Variants in TBC1D23 observed in about 807,000 individuals in gnomAD.
The protein encoded by TBC1D23 is HCV non-structural protein 4A-transactivated protein 1.
Under a neutral mutation model 91.4 loss-of-function variants are expected in TBC1D23, and 55 were observed. That is an observed-to-expected ratio of 0.60 (90% CI 0.48 to 0.75). The LOEUF (loss-of-function observed/expected upper bound fraction) is 0.75. Among genes scored for constraint, TBC1D23 ranks in the 30% least tolerant of loss-of-function variants. TBC1D23 has a pLI of 0.00. For missense variants in TBC1D23, 725 were observed against 836.1 expected (o/e 0.87, Z 1.64); for synonymous variants, 289 against 281.0 (o/e 1.03, Z -0.28).
intron 1 of TBC1D23, among the ~76,000 whole-genome samples, chr3:100,264,763 T>C (rs1229512276): frequency 6.6e-6 from 1 of 152,244 alleles, no homozygotes; most frequent in Non-Finnish European, 1.5e-5. Flanking sequence ...AGGATGGACC[T>C]TGAAGATCTT....
At chr3:100,316,255 G>A (rs1705742678) in intron 16 of TBC1D23, 68 bp downstream of exon 16, 1 of 1,088,896 alleles carries the variant, frequency 9.2e-7, no homozygotes, top group Non-Finnish European at 1.4e-6. Context: ...GTCATTCTGG[G>A]AATAGCCAAT....
chr3:100,315,275 G>A (rs537662793), intron 15 of TBC1D23, among the ~76,000 whole-genome samples: 66 of 143,656 alleles, frequency 4.6e-4, no homozygotes, highest in African/African-American at 1.6e-3. Context: ...TGGTTCTCCC[G>A]CCTCAGCCTC....
At chr3:100,300,041 T>A (rs1705395704) in intron 10 of TBC1D23, among the ~76,000 whole-genome samples, 1 of 152,136 alleles carries the variant, frequency 6.6e-6, no homozygotes, top group South Asian at 2.1e-4. Flanking sequence ...CATGAGTATT[T>A]ATGCATATAA....
chr3:100,315,470 T>G (rs1233751236), intron 15 of TBC1D23, among the ~76,000 whole-genome samples: 3 of 152,190 alleles, frequency 2.0e-5, no homozygotes, highest in Non-Finnish European at 4.4e-5. Flanking sequence ...CCGAGGCAGA[T>G]TCATTTTTAT....
At chr3:100,291,211 G>A (rs1285852794) in intron 5 of TBC1D23, among the ~76,000 whole-genome samples, 1 of 152,094 alleles carries the variant, frequency 6.6e-6, no homozygotes, top group Non-Finnish European at 1.5e-5. Flanking sequence ...TTAGGTCAGT[G>A]GTCCTTAAAC....
intron 13 of TBC1D23, among the ~76,000 whole-genome samples, chr3:100,307,946 T>G (rs1022771673): frequency 6.6e-6 from 1 of 152,226 alleles, no homozygotes; most frequent in African/African-American, 2.4e-5. Context: ...TGCATTATTA[T>G]CAAATGGCTC....
In TBC1D23 at chr3:100,301,009, T is replaced by C. The variant is rs541154373; in HGVS notation, c.1093-1058T>C. On this transcript the variant is annotated intron_variant, in intron 10 of 18. Transcript: ENST00000394144. ...TAATTTATTGCCTGATTGATGTATA[T>C]GTGGGTTATTTTTTGTTTTCTTGTA... Among the ~76,000 whole-genome samples, 4 of 152,298 alleles carry C rather than the reference T, an allele frequency of 2.6e-5. No individual in the cohort carries two copies. In the East Asian group the frequency reaches 7.7e-4, roughly 29 times the overall value.
At chr3:100,294,963 G>A in intron 5 of TBC1D23, 124 bp from the exon 6 acceptor site, 2 of 938,386 alleles carry the variant, frequency 2.1e-6, no homozygotes, top group Non-Finnish European at 3.1e-6. Flanking sequence ...TAAGATTAAG[G>A]TACGCATTAA....
intron 1 of TBC1D23, among the ~76,000 whole-genome samples, chr3:100,265,907 T>A (rs1395516449): frequency 6.6e-6 from 1 of 152,206 alleles, no homozygotes; most frequent in Non-Finnish European, 1.5e-5. Context: ...AATAGTACTA[T>A]CAGTGTTCCC....
In TBC1D23 at chr3:100,323,392, G is replaced by A. The variant is rs111600384; in HGVS notation, c.2019-195G>A. 5.2e-3 allele frequency among the ~76,000 whole-genome samples: 784 copies of A among 151,966 alleles called. 12 individuals carry two copies. The highest frequency in any genetic ancestry group is 0.017 in the African/African-American group (718 of 41,442). ...TGCCTTTGCATTTAGATTTTCTTTC[G>A]AAATAAGCTTTGGATTATGTTCAAA... On this transcript the variant is annotated intron_variant, in intron 18 of 18. Transcript: ENST00000394144.
At position 100,315,274 on chromosome 3, in the gene TBC1D23, C is replaced by T. The variant is rs1396606381; in HGVS notation, c.1599-825C>T. Among the ~76,000 whole-genome samples the T allele has an allele frequency of 3.3e-5, 5 of 151,136 alleles. No homozygotes were observed. In the South Asian group the frequency reaches 6.3e-4, roughly 19 times the overall value. ...GCCTCCCGGGTTCAAGTGGTTCTCC[C>T]GCCTCAGCCTCCAGAGTAGCTGGAA... On this transcript the variant is annotated intron_variant, in intron 15 of 18. Transcript: ENST00000394144.
chr3:100,302,903 A>T (rs1171679020), intron 11 of TBC1D23, among the ~76,000 whole-genome samples: 1 of 152,078 alleles, frequency 6.6e-6, no homozygotes, highest in Admixed American at 6.6e-5. Flanking sequence ...TGTTACATTG[A>T]TCTTTATGTG....
At chr3:100,296,753 G>C (rs138633055) in intron 8 of TBC1D23, among the ~76,000 whole-genome samples, 2 of 151,668 alleles carry the variant, frequency 1.3e-5, no homozygotes, top group African/African-American at 4.9e-5. Context: ...CCAGCTACTC[G>C]GGAGGCTGAG....
chr3:100,281,857 A>G lies in TBC1D23; in HGVS notation c.271+10A>G. 1 of 1,553,550 alleles carries G rather than the reference A, an allele frequency of 6.4e-7. No individual in the cohort carries two copies. The highest frequency in any genetic ancestry group is 2.3e-5 in the East Asian group (1 of 44,026). Reference sequence around the variant, plus strand: ...TGCCTGCAGTTTATTGGTAAGCTGAATAATCACTTTCAAGCAGAGTTAAAT... The same window carrying G: ...TGCCTGCAGTTTATTGGTAAGCTGAGTAATCACTTTCAAGCAGAGTTAAAT... On this transcript the variant is annotated intron_variant, in intron 3 of 18. Transcript: ENST00000394144.
chr3:100,297,931 C>A lies in TBC1D23; in HGVS notation c.885C>A (p.His295Gln). The A allele has an allele frequency of 1.2e-6, 2 of 1,606,850 alleles. No homozygotes were observed. Among genetic ancestry groups the A allele is most frequent in the Non-Finnish European group, 1.7e-6 (2 of 1,175,532 alleles). ...AATTTCCCTTCAAACAGGATAATCA[C>A]CATCTCTTTGGTAGTACTTTGTTGG... is the stretch of plus-strand genomic sequence containing the variant. ...KTPASFRKDN[H>Q]HLFGSTLLGI... is the part of the protein sequence containing the mutation. The change falls in exon 9 of 19, where the codon CAC becomes CAA. Residue 295 changes from histidine to glutamine, a missense_variant. By Grantham distance (24) the His-to-Gln change is conservative (BLOSUM62 0). Transcript: ENST00000394144.
chr3:100,288,432 G>T (rs34946005), intron 4 of TBC1D23, among the ~76,000 whole-genome samples: 2 of 152,070 alleles, frequency 1.3e-5, no homozygotes, highest in African/African-American at 4.8e-5. Flanking sequence ...TTAAGGTCCA[G>T]TTTCTGTATA....
chr3:100,290,647 T>G lies in TBC1D23; in HGVS notation c.546T>G (p.Leu182=). Residue 182 remains leucine, a synonymous_variant, in exon 5 of 19, where the codon CTT becomes CTG. Coordinates refer to ENST00000394144, the MANE Select transcript of TBC1D23 (RefSeq NM_001199198.3). ...TCATCCAATACCATGAGCCTGAGCT[T>G]TGTTCTTATCTTGATACAAAGAAAA... ...RLLIQYHEPE[L]CSYLDTKKIT... 1 of 1,613,570 alleles carries G rather than the reference T, an allele frequency of 6.2e-7. No individual in the cohort carries two copies. Among genetic ancestry groups the G allele is most frequent in the South Asian group, 1.1e-5 (1 of 91,054 alleles).
At chr3:100,309,124 A>AGATC (rs1705571226) in intron 13 of TBC1D23, among the ~76,000 whole-genome samples, 1 of 152,198 alleles carries the variant, frequency 6.6e-6, no homozygotes, top group South Asian at 2.1e-4. Context: ...CAGTGAGCCA[A>AGATC]GATCGCACCA....
At chr3:100,275,479 G>GT (rs2067641345) in intron 1 of TBC1D23, among the ~76,000 whole-genome samples, 1 of 152,034 alleles carries the variant, frequency 6.6e-6, no homozygotes, top group African/African-American at 2.4e-5. Flanking sequence ...GTGGAAATGG[G>GT]TTTTTTCCAT....
Sources: gnomAD v4.1 joint callset for allele counts (sites outside exome capture counted in the v4.1 genomes callset) on GRCh38, gnomAD v4.1.1 for gene constraint, MANE v1.5 for transcripts, NCBI Gene and HGNC (gene_info 2026-07-23, HGNC 2026-07-21) for gene names.